Variants in PDE1A observed in about 807,000 individuals in gnomAD.
The protein encoded by PDE1A is phosphodiesterase 1A.
Under a neutral mutation model 61.7 loss-of-function variants are expected in PDE1A, and 35 were observed. The ratio of observed to expected loss-of-function variants is 0.57; its 90% confidence interval spans 0.43 to 0.75. The LOEUF is 0.75. PDE1A is among the 30% of genes least tolerant of loss of function. PDE1A has a pLI of 0.00. For synonymous variants in PDE1A, 232 were observed against 213.2 expected, an observed-to-expected ratio of 1.09 and a Z score of -0.77; for missense variants, 597 against 630.6, an observed-to-expected ratio of 0.95 and a Z score of 0.57.
the PDE1A span, among the ~76,000 whole-genome samples, chr2:182,683,734 G>T: frequency 6.6e-6 from 1 of 152,132 alleles, no homozygotes; most frequent in Non-Finnish European, 1.5e-5. Context: ...CTAGCAAAGG[G>T]CTTAACTACT....
intron 13 of PDE1A, among the ~76,000 whole-genome samples, chr2:182,151,594 T>C (rs1421134317): frequency 2.0e-5 from 3 of 152,238 alleles, no homozygotes; most frequent in Non-Finnish European, 2.9e-5. Context: ...TCACCAATTC[T>C]GCTGTATTCA....
chr2:182,277,559 C>A (rs1389756011), intron 1 of PDE1A, among the ~76,000 whole-genome samples: 1 of 152,024 alleles, frequency 6.6e-6, no homozygotes, highest in African/African-American at 2.4e-5. Context: ...ATATCTGCCC[C>A]TACATGAGGC....
chr2:182,380,755 G>A (rs1454289456), intron 1 of PDE1A, among the ~76,000 whole-genome samples: 1 of 152,168 alleles, frequency 6.6e-6, no homozygotes, highest in Non-Finnish European at 1.5e-5. Flanking sequence ...ATTATTATTT[G>A]AGGATAATTA....
chr2:182,679,350 AT>A, the PDE1A span, among the ~76,000 whole-genome samples: 580 of 119,442 alleles, frequency 4.9e-3, no homozygotes, highest in African/African-American at 0.011. Context: ...TGCTCAGCTA[AT>A]TTTTTTTTTT....
At chr2:182,377,936 C>G (rs573745994) in intron 1 of PDE1A, among the ~76,000 whole-genome samples, 1 of 151,996 alleles carries the variant, frequency 6.6e-6, no homozygotes, top group African/African-American at 2.4e-5. Context: ...GGCTCCTCCC[C>G]GCAGGGTTCA....
At chr2:182,715,083 CTGTT>C in the PDE1A span, among the ~76,000 whole-genome samples, 4 of 152,030 alleles carry the variant, frequency 2.6e-5, no homozygotes, top group African/African-American at 2.4e-5. Context: ...TTCCAGTTTT[CTGTT>C]TGTTTTTCAA....
intron 13 of PDE1A, among the ~76,000 whole-genome samples, chr2:182,148,634 C>T (rs1690619390): frequency 6.6e-6 from 1 of 152,122 alleles, no homozygotes; most frequent in South Asian, 2.1e-4. Context: ...TGGGTGGGTA[C>T]ATTTGGTTCA....
intron 11 of PDE1A, 46 bp downstream of exon 11, chr2:182,188,933 G>C (rs1391750758): frequency 7.7e-7 from 1 of 1,292,914 alleles, no homozygotes; most frequent in East Asian, 2.3e-5. Context: ...TTTGAAAACT[G>C]ACAAGCACAC....
chr2:182,694,856 T>G, the PDE1A span, among the ~76,000 whole-genome samples: 4 of 150,840 alleles, frequency 2.7e-5, no homozygotes, highest in South Asian at 4.2e-4. Context: ...TTGTTTGTTT[T>G]TTTTTTAAAA....
At chr2:182,348,209 A>C (rs1375420644) in intron 1 of PDE1A, among the ~76,000 whole-genome samples, 1 of 152,198 alleles carries the variant, frequency 6.6e-6, no homozygotes, top group Non-Finnish European at 1.5e-5. Context: ...TTAATAAGCC[A>C]GTATGGGCAA....
At chr2:182,499,885 G>A (rs1174010137) in intron 2 of PDE1A, among the ~76,000 whole-genome samples, 1 of 152,186 alleles carries the variant, frequency 6.6e-6, no homozygotes, top group Non-Finnish European at 1.5e-5. Flanking sequence ...TGAGAGTGCT[G>A]GAGGGATTTC....
the PDE1A span, among the ~76,000 whole-genome samples, chr2:182,682,162 A>G: frequency 6.6e-6 from 1 of 152,036 alleles, no homozygotes; most frequent in African/African-American, 2.4e-5. Context: ...CCTGAGAGAG[A>G]TTGTTACGGA....
intron 2 of PDE1A, among the ~76,000 whole-genome samples, chr2:182,446,604 T>C (rs1685152618): frequency 1.3e-5 from 2 of 152,124 alleles, no homozygotes. Flanking sequence ...GAAAATTTGC[T>C]TTGTAAATGG....
intron 4 of PDE1A, among the ~76,000 whole-genome samples, chr2:182,233,371 A>G (rs750354776): frequency 5.7e-4 from 86 of 152,114 alleles, no homozygotes; most frequent in Non-Finnish European, 9.4e-4. Context: ...CACATTTCAC[A>G]ATAGGGTTTG....
chr2:182,521,542 GCA>G (rs1690568362), intron 2 of PDE1A, among the ~76,000 whole-genome samples: 2 of 152,016 alleles, frequency 1.3e-5, no homozygotes, highest in Admixed American at 1.3e-4. Context: ...GGAACTAGTA[GCA>G]CACACAGCTA....
intron 1 of PDE1A, among the ~76,000 whole-genome samples, chr2:182,274,143 T>G (rs545339171): frequency 1.3e-5 from 2 of 152,130 alleles, no homozygotes; most frequent in Admixed American, 1.3e-4. Flanking sequence ...TCTGCCCCCA[T>G]GATCTAATCA....
chr2:182,330,485 C>A (rs1697333703), intron 1 of PDE1A, among the ~76,000 whole-genome samples: 1 of 152,148 alleles, frequency 6.6e-6, no homozygotes, highest in Non-Finnish European at 1.5e-5. Context: ...TTCTCAGTCT[C>A]ATTATTTCTC....
At chr2:182,611,769 C>A in the PDE1A span, among the ~76,000 whole-genome samples, 1 of 151,938 alleles carries the variant, frequency 6.6e-6, no homozygotes, top group Non-Finnish European at 1.5e-5. Context: ...AAAATCATGT[C>A]TATTTGAAAG....
At chr2:182,615,819 A>G in the PDE1A span, among the ~76,000 whole-genome samples, 97,076 of 151,700 alleles carry the variant, frequency 0.64, 31,195 homozygotes, top group Admixed American at 0.73. Flanking sequence ...AGGAAGAGGG[A>G]CTCAAACTCA....
Sources: gnomAD v4.1 joint callset for allele counts (sites outside exome capture counted in the v4.1 genomes callset) on GRCh38, gnomAD v4.1.1 for gene constraint, MANE v1.5 for transcripts, NCBI Gene and HGNC (gene_info 2026-07-23, HGNC 2026-07-21) for gene names.